PLBD1: variants seen among roughly 807,000 people sequenced by gnomAD.
PLBD1 encodes the protein phospholipase B domain containing 1, also known as lysosomal leucine aminopeptidase.
Under a neutral mutation model 63.0 loss-of-function variants are expected in PLBD1, and 60 were observed. The ratio of observed to expected loss-of-function variants is 0.95; its 90% CI spans 0.77 to 1.18. The LOEUF is 1.18. PLBD1 is among the 50% of genes most tolerant of loss of function. The probability of loss-of-function intolerance (pLI) is 0.00; values close to 1 mark genes in which losing one functional copy is unlikely to be tolerated. For missense variants in PLBD1, 598 were observed against 677.9 expected (o/e 0.88, Z 1.31); for synonymous variants, 262 against 248.0 (o/e 1.06, Z -0.53).
chr12:14,560,117 C>T lies in PLBD1; in HGVS notation c.116-6705G>A, dbSNP rs572143243. ...TCAGGTGATTTGCCTGCCTTGGCCT[C>T]CCAAAGTGCTGGGATTACAGGCATG... On this transcript the variant is annotated intron_variant, in intron 1 of 10. Coordinates refer to ENST00000240617, the MANE Select transcript of PLBD1 (RefSeq NM_024829.6). Among the ~76,000 whole-genome samples the T allele has an allele frequency of 7.2e-5, 11 of 152,282 alleles. No homozygotes were observed. In the South Asian group the frequency reaches 2.3e-3, roughly 32 times the overall value.
intron 6 of PLBD1, among the ~76,000 whole-genome samples, chr12:14,526,257 A>T (rs965964580): frequency 7.9e-5 from 12 of 152,348 alleles, no homozygotes; most frequent in Admixed American, 3.9e-4. Flanking sequence ...TCTACAAAAG[A>T]CATACAACAA....
At position 14,506,104 on chromosome 12, in the gene PLBD1, C is replaced by G. The variant is rs549488937; in HGVS notation, c.1479+58G>C. 232 of 1,226,490 alleles carry G rather than the reference C, an allele frequency of 1.9e-4. No homozygotes were observed. In the African/African-American group the frequency reaches 3.3e-3, roughly 17 times the overall value. The allele number at this position is 1,226,490 out of a possible 1,614,324, so 76.0% of individuals were successfully genotyped here. ...TGCCATAAAAACCTGTGCAACTTTGCCTTTGGAGAGGCCTGTGTGCTGGTG... is the reference window on the plus strand; with the variant it reads ...TGCCATAAAAACCTGTGCAACTTTGGCTTTGGAGAGGCCTGTGTGCTGGTG... On this transcript the variant is annotated intron_variant, in intron 10 of 10. Coordinates refer to ENST00000240617, the MANE Select transcript of PLBD1 (RefSeq NM_024829.6).
At chr12:14,508,499 T>G (rs1945271953) in intron 8 of PLBD1, among the ~76,000 whole-genome samples, 1 of 152,210 alleles carries the variant, frequency 6.6e-6, no homozygotes, top group African/African-American at 2.4e-5. Flanking sequence ...CCTGGTGCAG[T>G]GGCTTGTGCC....
intron 2 of PLBD1, among the ~76,000 whole-genome samples, chr12:14,552,094 A>G (rs780246305): frequency 1.3e-5 from 2 of 152,220 alleles, no homozygotes; most frequent in Non-Finnish European, 2.9e-5. Context: ...CCAGTACTCA[A>G]AATAGATTAA....
intron 4 of PLBD1, among the ~76,000 whole-genome samples, chr12:14,539,000 G>A (rs1438319531): frequency 6.6e-6 from 1 of 152,068 alleles, no homozygotes; most frequent in Non-Finnish European, 1.5e-5. Context: ...CAGCCTGGGT[G>A]ATATCGCGAG....
intron 8 of PLBD1, among the ~76,000 whole-genome samples, chr12:14,508,892 G>C (rs761566686): frequency 1.8e-4 from 27 of 152,012 alleles, no homozygotes; most frequent in Non-Finnish European, 3.4e-4. Context: ...TGTCTTCCTT[G>C]GCTCACAAAA....
chr12:14,510,823 T>C (rs12708367), intron 8 of PLBD1, among the ~76,000 whole-genome samples: 85,020 of 151,940 alleles, frequency 0.56, 24,625 homozygotes, highest in Admixed American at 0.7. Context: ...TGATGACAGC[T>C]CTTCCCATCC....
chr12:14,508,645 C>T (rs1482385161), intron 8 of PLBD1, among the ~76,000 whole-genome samples: 1 of 152,126 alleles, frequency 6.6e-6, no homozygotes, highest in Non-Finnish European at 1.5e-5. Context: ...GGGTGCACAC[C>T]TGTGGTCCCA....
intron 9 of PLBD1, 141 bp from the exon 10 acceptor site, chr12:14,506,409 G>C (rs906256387): frequency 4.9e-6 from 3 of 616,000 alleles, no homozygotes; most frequent in Non-Finnish European, 8.3e-6. Flanking sequence ...TCTGCTTCCA[G>C]ATAGAGACAT....
chr12:14,550,892 A>G (rs1189134155), intron 2 of PLBD1, among the ~76,000 whole-genome samples: 1 of 151,440 alleles, frequency 6.6e-6, no homozygotes, highest in Admixed American at 6.6e-5. Flanking sequence ...AAAAAAAAAA[A>G]ATTATTTGAA....
chr12:14,554,980 C>T (rs1945689791), intron 1 of PLBD1, among the ~76,000 whole-genome samples: 1 of 152,110 alleles, frequency 6.6e-6, no homozygotes, highest in African/African-American at 2.4e-5. Flanking sequence ...AAATTTGAAT[C>T]CATCCTGGCT....
chr12:14,509,890 C>T (rs1211476528), intron 8 of PLBD1, among the ~76,000 whole-genome samples: 1 of 152,120 alleles, frequency 6.6e-6, no homozygotes, highest in Non-Finnish European at 1.5e-5. Flanking sequence ...ATCTATTTAT[C>T]TTAATTAATT....
chr12:14,512,977 A>T (rs1171727302), intron 6 of PLBD1, among the ~76,000 whole-genome samples: 1 of 152,132 alleles, frequency 6.6e-6, no homozygotes, highest in East Asian at 1.9e-4. Flanking sequence ...ATAGCTTATA[A>T]ATTACCTAGT....
chr12:14,507,228 C>T, intron 8 of PLBD1, 110 bp from the exon 9 acceptor site: 1 of 829,136 alleles, frequency 1.2e-6, no homozygotes, highest in Non-Finnish European at 1.9e-6. Context: ...AAAATGGGCA[C>T]AGGCATTTAA....
At chr12:14,563,069 A>T (rs1945754212) in intron 1 of PLBD1, among the ~76,000 whole-genome samples, 1 of 152,198 alleles carries the variant, frequency 6.6e-6, no homozygotes, top group East Asian at 1.9e-4. Flanking sequence ...ATATTCTTCT[A>T]AAGATTTTTA....
At chr12:14,523,947 A>T (rs1382837500) in intron 6 of PLBD1, among the ~76,000 whole-genome samples, 1 of 152,224 alleles carries the variant, frequency 6.6e-6, no homozygotes, top group African/African-American at 2.4e-5. Context: ...AATATGATAC[A>T]TATACATATA....
chr12:14,513,949 T>C (rs979825345), intron 6 of PLBD1, among the ~76,000 whole-genome samples: 1 of 151,984 alleles, frequency 6.6e-6, no homozygotes, highest in African/African-American at 2.4e-5. Flanking sequence ...CCTGCTAATT[T>C]TTTGCATTTT....
intron 9 of PLBD1, 104 bp from the exon 10 acceptor site, chr12:14,506,372 G>C (rs1945256372): frequency 1.2e-6 from 1 of 803,184 alleles, no homozygotes; most frequent in African/African-American, 1.7e-5. Context: ...ATCAGAGAGT[G>C]TACTCCCACA....
At chr12:14,542,101 C>T (rs1945577060) in intron 3 of PLBD1, 107 bp downstream of exon 3, 1 of 857,032 alleles carries the variant, frequency 1.2e-6, no homozygotes. Context: ...CTCTAGAGTC[C>T]TGCTAAAGAG....
Sources: allele counts gnomAD v4.1 joint callset (sites outside exome capture counted in the v4.1 genomes callset), GRCh38; gene constraint gnomAD v4.1.1; transcripts MANE v1.5; gene names NCBI Gene and HGNC (gene_info 2026-07-23, HGNC 2026-07-21).